Variants in EYS observed in about 807,000 individuals in gnomAD.
EYS encodes EGF-like photoreceptor maintenance factor, also known as protein eyes shut homolog.
Under a neutral mutation model 282.1 loss-of-function variants are expected in EYS, and 250 were observed. The ratio of observed to expected loss-of-function variants is 0.89; its 90% confidence interval spans 0.80 to 0.98. The LOEUF (loss-of-function observed/expected upper bound fraction) is 0.98. Among genes scored for constraint, EYS ranks in the 50% least tolerant of loss-of-function variants. The pLI is 0.00. For missense variants in EYS, 4,016 were observed against 3,709.0 expected, an observed-to-expected ratio of 1.08 and a Z score of -2.15; for synonymous variants, 1,355 against 1,282.9, an observed-to-expected ratio of 1.06 and a Z score of -1.20.
At chr6:64,125,284 A>C (rs1773737721) in intron 31 of EYS, among the ~76,000 whole-genome samples, 2 of 152,132 alleles carry the variant, frequency 1.3e-5, no homozygotes, top group Admixed American at 6.5e-5. Context: ...TTGAGAGTGC[A>C]GGGAAAAGAG....
chr6:65,183,205 C>T (rs1765435180), intron 12 of EYS, among the ~76,000 whole-genome samples: 3 of 151,864 alleles, frequency 2.0e-5, no homozygotes, highest in South Asian at 2.1e-4. Context: ...ATTACCTGAA[C>T]ATTTATTAAA....
intron 2 of EYS, among the ~76,000 whole-genome samples, chr6:65,629,544 G>T (rs74498952): frequency 1.3e-5 from 2 of 152,244 alleles, no homozygotes; most frequent in East Asian, 3.9e-4. Flanking sequence ...CCCCACATGA[G>T]AACTAAATCA....
chr6:64,091,563 A>C (rs190277852), intron 31 of EYS, among the ~76,000 whole-genome samples: 44 of 152,220 alleles, frequency 2.9e-4, no homozygotes, highest in African/African-American at 1.0e-3. Flanking sequence ...AGCTACAATT[A>C]AGCTGCTGCG....
intron 31 of EYS, among the ~76,000 whole-genome samples, chr6:64,172,008 C>G (rs758261573): frequency 6.6e-6 from 1 of 152,078 alleles, no homozygotes; most frequent in African/African-American, 2.4e-5. Flanking sequence ...GGACCTACCC[C>G]TGGGTCAAAG....
At chr6:65,257,957 G>C (rs1767515503) in intron 12 of EYS, among the ~76,000 whole-genome samples, 1 of 151,872 alleles carries the variant, frequency 6.6e-6, no homozygotes, top group African/African-American at 2.4e-5. Flanking sequence ...TAGTCAACAA[G>C]AAATTATTGT....
At chr6:64,457,068 T>C (rs1775580115) in intron 26 of EYS, among the ~76,000 whole-genome samples, 3 of 151,998 alleles carry the variant, frequency 2.0e-5, no homozygotes, top group Non-Finnish European at 4.4e-5. Context: ...GTATGCTGTG[T>C]TTTCATTTTT....
At chr6:64,299,086 G>A (rs1020403002) in intron 30 of EYS, among the ~76,000 whole-genome samples, 6 of 152,114 alleles carry the variant, frequency 3.9e-5, no homozygotes, top group Non-Finnish European at 5.9e-5. Context: ...AAAAGCCTAA[G>A]GATAGGGTTA....
intron 41 of EYS, among the ~76,000 whole-genome samples, chr6:63,752,133 A>G (rs1371297399): frequency 2.0e-5 from 3 of 152,190 alleles, no homozygotes; most frequent in Non-Finnish European, 4.4e-5. Flanking sequence ...AAATCTAGAA[A>G]ATAAAGCATA....
intron 31 of EYS, among the ~76,000 whole-genome samples, chr6:64,088,642 T>A (rs1562194289): frequency 6.6e-6 from 1 of 151,878 alleles, no homozygotes; most frequent in Non-Finnish European, 1.5e-5. Context: ...TTTTTATTAT[T>A]TTTTTTAACC....
intron 12 of EYS, among the ~76,000 whole-genome samples, chr6:65,144,851 G>A (rs565955173): frequency 5.3e-5 from 8 of 151,274 alleles, no homozygotes; most frequent in African/African-American, 1.9e-4. Flanking sequence ...TGCAACCTCC[G>A]CCTCCCAGGT....
At chr6:65,393,287 C>T (rs1424299837) in intron 7 of EYS, among the ~76,000 whole-genome samples, 1 of 152,130 alleles carries the variant, frequency 6.6e-6, no homozygotes, top group Non-Finnish European at 1.5e-5. Context: ...CTAACCTGTA[C>T]ATTGTGCACA....
chr6:65,411,706 G>A (rs1767021050), intron 5 of EYS, among the ~76,000 whole-genome samples: 1 of 151,632 alleles, frequency 6.6e-6, no homozygotes, highest in Non-Finnish European at 1.5e-5. Flanking sequence ...TTTTGATAAT[G>A]TTCTTTAAAT....
intron 34 of EYS, among the ~76,000 whole-genome samples, chr6:63,987,696 G>A (rs1212182346): frequency 6.6e-6 from 1 of 151,502 alleles, no homozygotes; most frequent in Non-Finnish European, 1.5e-5. Flanking sequence ...GTTGACATCT[G>A]AAAAGTATTT....
At chr6:64,532,373 G>C (rs1764373970) in intron 26 of EYS, among the ~76,000 whole-genome samples, 1 of 152,122 alleles carries the variant, frequency 6.6e-6, no homozygotes, top group South Asian at 2.1e-4. Flanking sequence ...GGTTAAATCA[G>C]GCTCCCTCAG....
intron 41 of EYS, among the ~76,000 whole-genome samples, chr6:63,759,592 T>C (rs1769580777): frequency 1.3e-5 from 2 of 152,118 alleles, no homozygotes; most frequent in South Asian, 4.1e-4. Context: ...TATTATAAGT[T>C]CATAGAGATA....
chr6:64,033,190 T>C (rs902092849), intron 33 of EYS, among the ~76,000 whole-genome samples: 11 of 152,222 alleles, frequency 7.2e-5, no homozygotes, highest in Non-Finnish European at 1.5e-4. Context: ...TTTTTGCTCA[T>C]TTTTCATTAC....
At chr6:64,602,611 T>C (rs1008552427) in intron 24 of EYS, among the ~76,000 whole-genome samples, 2 of 152,086 alleles carry the variant, frequency 1.3e-5, no homozygotes, top group Non-Finnish European at 2.9e-5. Context: ...GGTCTATCAT[T>C]AAGAAATGCT....
intron 35 of EYS, among the ~76,000 whole-genome samples, chr6:63,952,988 G>A (rs1337151653): frequency 6.6e-6 from 1 of 152,094 alleles, no homozygotes. Context: ...TCCAAAAACT[G>A]GACAAGTCTT....
intron 26 of EYS, among the ~76,000 whole-genome samples, chr6:64,578,266 T>C (rs1260617766): frequency 6.6e-6 from 1 of 152,148 alleles, no homozygotes; most frequent in East Asian, 1.9e-4. Flanking sequence ...ATTATCAGAA[T>C]CTCCTCTCCC....
Sources: allele counts gnomAD v4.1 joint callset (sites outside exome capture counted in the v4.1 genomes callset), GRCh38; gene constraint gnomAD v4.1.1; transcripts MANE v1.5; gene names NCBI Gene and HGNC (gene_info 2026-07-23, HGNC 2026-07-21).